ABCC12: variants seen among roughly 807,000 people sequenced by gnomAD.
ABCC12 encodes the protein ATP binding cassette subfamily C member 12.
ABCC12 carries 142 observed loss-of-function variants against 151.1 expected under a neutral mutation model. The observed-to-expected ratio is 0.94, with a 90% CI of 0.82 to 1.08. The LOEUF (loss-of-function observed/expected upper bound fraction) is 1.08, where lower values mean the gene tolerates loss of function less well. ABCC12 is among the 50% of genes least tolerant of loss of function. The pLI is 0.00. For synonymous variants in ABCC12, 645 were observed against 646.4 expected (o/e 1.00, Z 0.03); for missense variants, 1,638 against 1,691.1 (o/e 0.97, Z 0.55).
intron 13 of ABCC12, among the ~76,000 whole-genome samples, chr16:48,120,558 GT>G (rs61563975): frequency 0.095 from 13,070 of 137,830 alleles, 1,562 homozygotes; most frequent in African/African-American, 0.31. Flanking sequence ...TGAGTTTTTT[GT>G]TTTTTTTTTT....
intron 2 of ABCC12, among the ~76,000 whole-genome samples, chr16:48,150,059 G>T (rs1402921025): frequency 6.6e-6 from 1 of 152,154 alleles, no homozygotes; most frequent in Non-Finnish European, 1.5e-5. Flanking sequence ...TACTAACATA[G>T]GCAGCAATTA....
chr16:48,148,342 T>G (rs187954689), intron 2 of ABCC12, among the ~76,000 whole-genome samples: 31 of 151,948 alleles, frequency 2.0e-4, no homozygotes, highest in Admixed American at 1.9e-3. Flanking sequence ...GCTCAAGTGA[T>G]CCTCCCTCCT....
intron 19 of ABCC12, 90 bp downstream of exon 19, chr16:48,108,350 T>TA: frequency 1.6e-6 from 2 of 1,232,694 alleles, no homozygotes; most frequent in Non-Finnish European, 2.3e-6. Context: ...GAATAATTGT[T>TA]AAAGAAATCA....
At chr16:48,085,511 A>G (rs1001739511) in intron 29 of ABCC12, 82 bp downstream of exon 29, 2 of 1,171,740 alleles carry the variant, frequency 1.7e-6, no homozygotes, top group African/African-American at 3.0e-5. Context: ...TGAAAGACAT[A>G]CACGTGGCTC....
At position 48,146,492 on chromosome 16, in the gene ABCC12, C is replaced by T; in HGVS notation, c.-50-18G>A. 1 of 1,297,836 alleles carries T rather than the reference C, an allele frequency of 7.7e-7. No homozygotes were observed. Among genetic ancestry groups the T allele is most frequent in the South Asian group, 1.2e-5 (1 of 83,308 alleles). The allele number at this position is 1,297,836 out of a possible 1,614,324, so 80.4% of individuals were successfully genotyped here. ...CTTTCACTCTATGGCAGAGAAATGG[C>T]AAAGGTTATTGAGAGGTGAGGATGT... On this transcript the variant is annotated intron_variant, in intron 2 of 30. Coordinates refer to ENST00000311303, the MANE Select transcript of ABCC12 (RefSeq NM_001393797.1).
intron 22 of ABCC12, among the ~76,000 whole-genome samples, chr16:48,103,905 G>A (rs1963390515): frequency 6.6e-6 from 1 of 152,228 alleles, no homozygotes. Flanking sequence ...GGCAATCATG[G>A]CTACTAGTTT....
At chr16:48,098,463 G>C (rs980767852) in intron 23 of ABCC12, among the ~76,000 whole-genome samples, 2 of 152,192 alleles carry the variant, frequency 1.3e-5, no homozygotes, top group Non-Finnish European at 2.9e-5. Flanking sequence ...AAGCCCCTCT[G>C]ACCAGCCGCC....
intron 18 of ABCC12, among the ~76,000 whole-genome samples, chr16:48,109,719 G>T (rs1481159422): frequency 6.6e-6 from 1 of 152,246 alleles, no homozygotes; most frequent in Non-Finnish European, 1.5e-5. Context: ...TGAGGGAGAC[G>T]CCTCAGCGTG....
At chr16:48,084,307 T>A (rs769520254) in intron 29 of ABCC12, among the ~76,000 whole-genome samples, 11 of 152,210 alleles carry the variant, frequency 7.2e-5, no homozygotes, top group Non-Finnish European at 1.5e-4. Context: ...AGGTTGTATA[T>A]CCTTTATTCC....
At chr16:48,118,488 C>T (rs1276808765) in intron 13 of ABCC12, among the ~76,000 whole-genome samples, 1 of 152,264 alleles carries the variant, frequency 6.6e-6, no homozygotes, top group African/African-American at 2.4e-5. Flanking sequence ...TCCTGCTCAG[C>T]AGGTTGCCTG....
chr16:48,135,049 CAAAAA>C (rs1236934094), intron 8 of ABCC12, among the ~76,000 whole-genome samples: 1 of 77,936 alleles, frequency 1.3e-5, no homozygotes, highest in African/African-American at 5.0e-5. Flanking sequence ...GACTCTGTCT[CAAAAA>C]AAAAAAAAAA....
At chr16:48,137,132 G>A (rs951878105) in intron 8 of ABCC12, among the ~76,000 whole-genome samples, 2 of 152,262 alleles carry the variant, frequency 1.3e-5, no homozygotes, top group East Asian at 3.9e-4. Context: ...TAGATGTCTT[G>A]CATAGTCCAG....
intron 18 of ABCC12, among the ~76,000 whole-genome samples, chr16:48,108,902 G>A (rs1359530972): frequency 2.0e-5 from 3 of 152,160 alleles, no homozygotes; most frequent in African/African-American, 7.2e-5. Flanking sequence ...CCAAGCTGGC[G>A]ACCACTGTGG....
chr16:48,109,899 C>T (rs528732101), intron 18 of ABCC12, among the ~76,000 whole-genome samples: 4 of 152,316 alleles, frequency 2.6e-5, no homozygotes, highest in African/African-American at 9.6e-5. Flanking sequence ...AACCAGTTCA[C>T]GAGTCTTCCC....
At position 48,141,380 on chromosome 16, in the gene ABCC12, A is replaced by G. The variant is rs776413571; in HGVS notation, c.276-27T>C. On this transcript the variant is annotated intron_variant, in intron 4 of 30. Coordinates refer to ENST00000311303, the MANE Select transcript of ABCC12 (RefSeq NM_001393797.1). ...TGTGATGAAAAAACAGAAGCATAAA[A>G]TGGATTGGCACTTCTATGTGCTGTT... The G allele has an allele frequency of 4.3e-6, 7 of 1,612,838 alleles. No homozygotes were observed. The East Asian group carries it at 1.1e-4, about 26-fold the overall frequency.
Position 48,093,408 on chromosome 16 carries a change from G to A in ABCC12, c.3196-2199C>T, listed in dbSNP as rs1342454646. 1.3e-5 allele frequency among the ~76,000 whole-genome samples: 2 copies of A among 152,120 alleles called. 1 individual carries two copies. Among genetic ancestry groups the A allele is most frequent in the African/African-American group, 4.8e-5 (2 of 41,414 alleles). ...TCTTTCTTCCAGTCTTCCTTGGCTG[G>A]TTCTTTATCCTTCAGGTCTCAGCTT... On this transcript the variant is annotated intron_variant, in intron 24 of 30. Transcript: ENST00000311303.
chr16:48,129,565 C>A (rs1597319010), intron 10 of ABCC12, among the ~76,000 whole-genome samples: 3 of 152,034 alleles, frequency 2.0e-5, no homozygotes, highest in African/African-American at 7.2e-5. Context: ...AACTGAGAAC[C>A]CACAGCTGGA....
At chr16:48,091,088 T>C (rs751858670) in intron 25 of ABCC12, 32 bp downstream of exon 25, 227 of 1,604,050 alleles carry the variant, frequency 1.4e-4, no homozygotes, top group Non-Finnish European at 1.8e-4. Context: ...AAAATTAACT[T>C]GTCCCTCCTC....
rs1323401649 is a variant in ABCC12, at chr16:48,124,408, T to C, written c.1516-124A>G. On this transcript the variant is annotated intron_variant, in intron 11 of 30. Transcript: ENST00000311303. The stretch of plus-strand genomic sequence containing the variant: ...CGGAGAACAAGGGGTCACTGCAGGC[T>C]CTGGGGCATGGCAGCTGCAGCCACA... 5 of 893,556 alleles carry C rather than the reference T, an allele frequency of 5.6e-6. No homozygotes were observed. In the African/African-American group the frequency reaches 6.5e-5, roughly 12 times the overall value. The allele number at this position is 893,556 out of a possible 1,614,324, so 55.4% of individuals were successfully genotyped here.
Sources: allele counts gnomAD v4.1 joint callset (sites outside exome capture counted in the v4.1 genomes callset), GRCh38; gene constraint gnomAD v4.1.1; transcripts MANE v1.5; gene names NCBI Gene and HGNC (gene_info 2026-07-23, HGNC 2026-07-21).